The following TACC2 variants were observed in gnomAD, a reference collection of about 807,000 sequenced individuals.
TACC2 encodes the protein transforming acidic coiled-coil containing protein 2.
In TACC2, 137 loss-of-function variants were observed where a neutral mutation model predicts 227.3. That is an observed-to-expected ratio of 0.60 (90% CI 0.52 to 0.69). The LOEUF (loss-of-function observed/expected upper bound fraction) is 0.69. TACC2 is among the 30% of genes least tolerant of loss of function. The pLI, the probability that TACC2 is intolerant of heterozygous loss-of-function variation, is 0.00. For synonymous variants in TACC2, 1,523 were observed against 1,487.5 expected, an observed-to-expected ratio of 1.02 and a Z score of -0.55; for missense variants, 3,470 against 3,694.4, an observed-to-expected ratio of 0.94 and a Z score of 1.57.
At chr10:122,245,346 C>T (rs564231579) in intron 19 of TACC2, among the ~76,000 whole-genome samples, 16 of 152,134 alleles carry the variant, frequency 1.1e-4, no homozygotes, top group East Asian at 3.9e-4. Context: ...CTCCTGGGAA[C>T]GGGGTAATTC....
At chr10:122,069,054 A>T (rs114813958) in intron 3 of TACC2, among the ~76,000 whole-genome samples, 9 of 151,072 alleles carry the variant, frequency 6.0e-5, no homozygotes, top group Admixed American at 5.9e-4. Flanking sequence ...GCACATGCCG[A>T]TCAGTCCTCC....
chr10:122,087,224 C>T lies in TACC2; in HGVS notation c.4724C>T (p.Ala1575Val). The T allele has an allele frequency of 1.2e-6, 2 of 1,613,158 alleles. No individual in the cohort carries two copies. Among genetic ancestry groups the T allele is most frequent in the Non-Finnish European group, 1.7e-6 (2 of 1,179,760 alleles). The change falls in exon 4 of 23, where the codon GCT (alanine) becomes GTT (valine). Residue 1575 changes from alanine to valine, a missense_variant. Physicochemically the swap from Ala to Val is moderately conservative, Grantham distance 64 (BLOSUM62 0). This residue lies in a region of TACC2 where 1,924 missense variants were observed against 1,978.3 expected (regional missense o/e 0.97). Transcript: ENST00000369005. ...CAGGAGCTCCCTGTGGAGAGAGCTG[C>T]TGCCTTCCAGGTGGCTCCCCATAGC... ...ATQELPVERA[A>V]AFQVAPHSHG...
At chr10:122,114,886 T>C (rs375654818) in intron 5 of TACC2, among the ~76,000 whole-genome samples, 17 of 152,172 alleles carry the variant, frequency 1.1e-4, no homozygotes, top group East Asian at 5.8e-4. Context: ...CTTAAAAAAA[T>C]AATGTTCAAG....
chr10:122,002,437 CTG>C (rs145232452), intron 1 of TACC2, among the ~76,000 whole-genome samples: 13 of 151,660 alleles, frequency 8.6e-5, no homozygotes, highest in African/African-American at 3.1e-4. Context: ...TAGTTTTTGT[CTG>C]TGTGTGTGTG....
At chr10:122,238,093 A>G in intron 18 of TACC2, 56 bp downstream of exon 18, 3 of 1,420,384 alleles carry the variant, frequency 2.1e-6, no homozygotes, top group Non-Finnish European at 3.0e-6. Context: ...CTGTGGTTTA[A>G]TAATGACCGG....
chr10:122,179,628 T>C (rs566530286), intron 7 of TACC2, among the ~76,000 whole-genome samples: 150 of 151,790 alleles, frequency 9.9e-4, no homozygotes, highest in Middle Eastern at 3.4e-3. Context: ...TTGTTACAGC[T>C]GTCAGAATGG....
chr10:122,170,185 C>G (rs142214866), intron 7 of TACC2, among the ~76,000 whole-genome samples: 1 of 152,106 alleles, frequency 6.6e-6, no homozygotes, highest in African/African-American at 2.4e-5. Flanking sequence ...CGAACCCAGC[C>G]CCACCCCCAT....
chr10:122,029,957 G>T (rs11200351), intron 2 of TACC2, among the ~76,000 whole-genome samples: 1 of 150,926 alleles, frequency 6.6e-6, no homozygotes, highest in African/African-American at 2.4e-5. Flanking sequence ...TGCTTCAGGG[G>T]ACATTTAGCA....
chr10:122,117,484 C>T (rs997796987), intron 5 of TACC2, among the ~76,000 whole-genome samples: 1 of 152,132 alleles, frequency 6.6e-6, no homozygotes, highest in Non-Finnish European at 1.5e-5. Context: ...TGTGAGCCAC[C>T]GCACCCAGCT....
chr10:122,084,520 C>T lies in TACC2; in HGVS notation c.2020C>T (p.Pro674Ser), dbSNP rs778991503. 1 of 1,613,562 alleles carries T rather than the reference C, an allele frequency of 6.2e-7. No individual in the cohort carries two copies. The highest frequency in any genetic ancestry group is 1.1e-5 in the South Asian group (1 of 91,070). Residue 674 changes from proline (P) to serine (S), a missense_variant, in exon 4 of 23, where the codon CCA (proline) becomes TCA (serine). This residue lies in a region of TACC2 where 1,924 missense variants were observed against 1,978.3 expected (regional missense o/e 0.97). Transcript: ENST00000369005. ...GEEDPVLPPVPDGAGEPTVPE... is the reference protein window; with the variant it reads ...GEEDPVLPPVSDGAGEPTVPE... ...GGAGGACCCCGTCCTGCCCCCTGTGCCAGATGGAGCTGGTGAGCCCACTGT... is the reference window on the plus strand; with the variant it reads ...GGAGGACCCCGTCCTGCCCCCTGTGTCAGATGGAGCTGGTGAGCCCACTGT...
intron 7 of TACC2, among the ~76,000 whole-genome samples, chr10:122,154,339 C>T (rs7082633): frequency 0.78 from 119,281 of 152,268 alleles, 47,390 homozygotes; most frequent in Non-Finnish European, 0.86. Context: ...AGGTAGATTC[C>T]GAGGCAGGCA....
At chr10:122,073,124 A>AT (rs1204496395) in intron 3 of TACC2, among the ~76,000 whole-genome samples, 10 of 66,060 alleles carry the variant, frequency 1.5e-4, no homozygotes, top group African/African-American at 5.2e-4. Context: ...AAAAAAAAAA[A>AT]AAATATATAT....
intron 8 of TACC2, among the ~76,000 whole-genome samples, chr10:122,204,148 GAA>G (rs2095015604): frequency 7.4e-6 from 1 of 135,792 alleles, no homozygotes; most frequent in Non-Finnish European, 1.6e-5. Flanking sequence ...GGAGACCTTG[GAA>G]AGAGAGGGAG....
chr10:122,193,180 A>G (rs1439716647), intron 7 of TACC2, among the ~76,000 whole-genome samples: 1 of 152,210 alleles, frequency 6.6e-6, no homozygotes, highest in African/African-American at 2.4e-5. Flanking sequence ...AAAAGCAGCT[A>G]TGATGTTTCT....
intron 18 of TACC2, among the ~76,000 whole-genome samples, chr10:122,239,896 A>C (rs2095948598): frequency 6.6e-6 from 1 of 151,998 alleles, no homozygotes; most frequent in Non-Finnish European, 1.5e-5. Context: ...ATCTTACTTA[A>C]CTCTGCCTCA....
chr10:122,130,256 A>C lies in TACC2; in HGVS notation c.5574-2353A>C, dbSNP rs562332731. ...AGTGATCTGCCCACCTCGGCCTCCC[A>C]AAGTGCTGAGATTACAGGTGTGAGC... is the stretch of plus-strand genomic sequence containing the variant. On this transcript the variant is annotated intron_variant, in intron 5 of 22. Coordinates refer to ENST00000369005, the MANE Select transcript of TACC2 (RefSeq NM_206862.4). Among the ~76,000 whole-genome samples, 37 of 152,080 alleles carry C rather than the reference A, an allele frequency of 2.4e-4. 1 individual carries two copies. The South Asian group carries it at 5.6e-3, about 23-fold the overall frequency.
chr10:122,241,413 C>A lies in TACC2; in HGVS notation c.8349-545C>A, dbSNP rs530041049. ...CTCAAGTGATCCTCCCACATTAGTC[C>A]CTCGAGTAGCTAGGATCACAGACGC... is the stretch of plus-strand genomic sequence containing the variant. On this transcript the variant is annotated intron_variant, in intron 18 of 22. Transcript: ENST00000369005. Among the ~76,000 whole-genome samples, 67 of 152,160 alleles carry A rather than the reference C, an allele frequency of 4.4e-4. 1 individual carries two copies. In the South Asian group the frequency reaches 7.1e-3, roughly 16 times the overall value.
intron 19 of TACC2, 180 bp from the exon 20 acceptor site, chr10:122,248,463 T>A: frequency 1.4e-6 from 1 of 691,494 alleles, no homozygotes; most frequent in Non-Finnish European, 2.4e-6. Context: ...GGGCTCTGGT[T>A]TTTGTTCTGT....
In TACC2 at chr10:122,082,763, G is replaced by T; in HGVS notation, c.263G>T (p.Arg88Met). The T allele has an allele frequency of 6.2e-7, 1 of 1,613,980 alleles. No homozygotes were observed. The highest frequency in any genetic ancestry group is 8.5e-7 in the Non-Finnish European group (1 of 1,180,016). ...CCAAGGAAGGACCCACAGGGAGCCA[G>T]GGGGCCAGAAGGTTCTTTGCTGCCC... ...TEPRKDPQGA[R>M]GPEGSLLPSP... The change falls in exon 4 of 23, where the codon AGG (arginine) becomes ATG (methionine). Residue 88 changes from arginine (R) to methionine (M), a missense_variant. Arg to Met is a moderately conservative substitution (Grantham distance 91). Around this residue, in one of 10 missense-constraint regions of TACC2, gnomAD observed 405 missense variants for 389.6 expected, o/e 1.04. Transcript: ENST00000369005.
Sources: gnomAD v4.1 joint callset for allele counts (sites outside exome capture counted in the v4.1 genomes callset) on GRCh38, gnomAD v4.1.1 for gene constraint, gnomAD v4.1.1 regional missense constraint, MANE v1.5 for transcripts, NCBI Gene and HGNC (gene_info 2026-07-23, HGNC 2026-07-21) for gene names.